NRXN3: variants seen among roughly 807,000 people sequenced by gnomAD.
NRXN3 encodes neurexin III.
A neutral mutation model predicts 137.6 loss-of-function variants in NRXN3; 32 were observed. That is an observed-to-expected ratio of 0.23 (90% CI 0.18 to 0.31). The LOEUF (loss-of-function observed/expected upper bound fraction) is 0.31. NRXN3 is among the 10% of genes least tolerant of loss of function. The probability of loss-of-function intolerance (pLI) is 1.00; values close to 1 mark genes in which losing one functional copy is unlikely to be tolerated. For synonymous variants in NRXN3, 798 were observed against 784.5 expected, an observed-to-expected ratio of 1.02 and a Z score of -0.29; for missense variants, 1,574 against 2,062.5, an observed-to-expected ratio of 0.76 and a Z score of 4.59.
At chr14:78,304,180 G>T (rs2077138425) in intron 4 of NRXN3, among the ~76,000 whole-genome samples, 1 of 152,144 alleles carries the variant, frequency 6.6e-6, no homozygotes, top group Non-Finnish European at 1.5e-5. Context: ...CACGTGTTCT[G>T]GCTCCACTTC....
At chr14:79,747,268 G>T (rs1045672130) in intron 19 of NRXN3, among the ~76,000 whole-genome samples, 1 of 152,024 alleles carries the variant, frequency 6.6e-6, no homozygotes, top group Admixed American at 6.6e-5. Flanking sequence ...CTGCCACTAG[G>T]ATTTTACTTT....
intron 4 of NRXN3, among the ~76,000 whole-genome samples, chr14:78,483,204 C>T (rs1216773383): frequency 2.0e-5 from 3 of 152,100 alleles, no homozygotes; most frequent in Non-Finnish European, 4.4e-5. Flanking sequence ...CCCAAAAAAC[C>T]CCACAAAACT....
intron 17 of NRXN3, among the ~76,000 whole-genome samples, chr14:79,690,896 A>T (rs1277588378): frequency 2.0e-5 from 3 of 152,098 alleles, no homozygotes; most frequent in Non-Finnish European, 4.4e-5. Context: ...GGCTTTTAGA[A>T]TTCTTTGTAA....
chr14:79,113,766 C>T (rs1348824816), intron 15 of NRXN3, among the ~76,000 whole-genome samples: 1 of 152,150 alleles, frequency 6.6e-6, no homozygotes, highest in Non-Finnish European at 1.5e-5. Flanking sequence ...ACTTTTGATA[C>T]TCTTAATCAA....
intron 15 of NRXN3, among the ~76,000 whole-genome samples, chr14:79,153,560 C>T (rs529081152): frequency 1.3e-5 from 2 of 152,008 alleles, no homozygotes; most frequent in Non-Finnish European, 2.9e-5. Flanking sequence ...ACTGATATAT[C>T]TCAATCACCT....
At chr14:79,806,846 A>C (rs1341328353) in intron 20 of NRXN3, among the ~76,000 whole-genome samples, 1 of 148,318 alleles carries the variant, frequency 6.7e-6, no homozygotes, top group Admixed American at 6.8e-5. Context: ...CTAGATATTA[A>C]GGGTTCATAT....
chr14:79,697,585 G>A, intron 18 of NRXN3, 45 bp from the exon 19 acceptor site: 2 of 1,579,308 alleles, frequency 1.3e-6, no homozygotes, highest in Non-Finnish European at 1.7e-6. Context: ...GGCAAACAAG[G>A]AAAACGTATG....
intron 2 of NRXN3, among the ~76,000 whole-genome samples, chr14:78,256,948 G>T (rs532863366): frequency 6.6e-6 from 1 of 152,166 alleles, no homozygotes; most frequent in Admixed American, 6.5e-5. Context: ...CAGCTTTCAG[G>T]ATCAGGTGAT....
At chr14:78,410,524 C>T (rs1461662019) in intron 4 of NRXN3, among the ~76,000 whole-genome samples, 1 of 152,124 alleles carries the variant, frequency 6.6e-6, no homozygotes, top group Non-Finnish European at 1.5e-5. Context: ...ACTCCTGAGC[C>T]AGGGTTCTTC....
At position 78,356,239 on chromosome 14, in the gene NRXN3, A is replaced by C. The variant is rs1597707033; in HGVS notation, c.757+58379A>C. ...GATATTACGTAGATGTGATTTATCCAGGGTCACCCAGTGAGTTAATAAGAG... is the reference window on the plus strand; with the variant it reads ...GATATTACGTAGATGTGATTTATCCCGGGTCACCCAGTGAGTTAATAAGAG... On this transcript the variant is annotated intron_variant, in intron 4 of 20. Coordinates refer to ENST00000335750, the MANE Select transcript of NRXN3 (RefSeq NM_001330195.2). Among the ~76,000 whole-genome samples the C allele has an allele frequency of 2.0e-5, 3 of 152,362 alleles. No individual in the cohort carries two copies. The South Asian group carries it at 6.2e-4, about 32-fold the overall frequency.
intron 8 of NRXN3, among the ~76,000 whole-genome samples, chr14:78,783,940 T>C (rs1404608157): frequency 6.6e-6 from 1 of 151,956 alleles, no homozygotes; most frequent in Non-Finnish European, 1.5e-5. Context: ...CACCATCTGT[T>C]TTATAGAGCA....
At chr14:79,431,445 T>G (rs1241585775) in intron 15 of NRXN3, among the ~76,000 whole-genome samples, 15 of 152,186 alleles carry the variant, frequency 9.9e-5, no homozygotes, top group Admixed American at 9.8e-4. Context: ...TTTAAGAGAT[T>G]AGAGTACTAC....
At chr14:79,502,514 C>T (rs1403985603) in intron 16 of NRXN3, among the ~76,000 whole-genome samples, 1 of 151,714 alleles carries the variant, frequency 6.6e-6, no homozygotes, top group Non-Finnish European at 1.5e-5. Flanking sequence ...TCTCTCGCCA[C>T]ACCCCCCACC....
chr14:79,593,973 GC>G (rs1220027956), intron 16 of NRXN3, among the ~76,000 whole-genome samples: 1 of 152,068 alleles, frequency 6.6e-6, no homozygotes, highest in Non-Finnish European at 1.5e-5. Context: ...TATAATAGAT[GC>G]CCTCATAAGG....
At chr14:78,564,607 C>T (rs565025656) in intron 4 of NRXN3, among the ~76,000 whole-genome samples, 50 of 152,194 alleles carry the variant, frequency 3.3e-4, no homozygotes, top group Non-Finnish European at 5.9e-5. Flanking sequence ...ATGTATTGTA[C>T]CTTTCCTTCT....
intron 19 of NRXN3, among the ~76,000 whole-genome samples, chr14:79,717,239 G>A (rs2098826799): frequency 6.6e-6 from 1 of 152,134 alleles, no homozygotes; most frequent in Non-Finnish European, 1.5e-5. Flanking sequence ...GCCAGCTCCA[G>A]GCCCTAAAAA....
intron 15 of NRXN3, among the ~76,000 whole-genome samples, chr14:79,216,212 G>A (rs990159819): frequency 6.6e-6 from 1 of 152,164 alleles, no homozygotes; most frequent in Non-Finnish European, 1.5e-5. Flanking sequence ...TAGCTGAGAT[G>A]GTGTGGCTTT....
chr14:78,201,457 A>C (rs2061669623), intron 1 of NRXN3, among the ~76,000 whole-genome samples: 1 of 152,130 alleles, frequency 6.6e-6, no homozygotes, highest in Admixed American at 6.5e-5. Flanking sequence ...CTGGTGCAGA[A>C]AAGGTGGTGA....
chr14:79,087,186 G>A (rs746254560), intron 15 of NRXN3, among the ~76,000 whole-genome samples: 25 of 152,122 alleles, frequency 1.6e-4, no homozygotes, highest in Non-Finnish European at 2.8e-4. Flanking sequence ...GTTTCCAAGC[G>A]GACGTGGTTA....
Sources: gnomAD v4.1 joint callset for allele counts (sites outside exome capture counted in the v4.1 genomes callset) on GRCh38, gnomAD v4.1.1 for gene constraint, MANE v1.5 for transcripts, NCBI Gene and HGNC (gene_info 2026-07-23, HGNC 2026-07-21) for gene names.